Variants in LDB1 observed in about 807,000 individuals in gnomAD.
The protein encoded by LDB1 is LIM domain-binding protein 1.
In LDB1, 6 loss-of-function variants were observed where a neutral mutation model predicts 49.7. That is an observed-to-expected ratio of 0.12 (90% CI 0.07 to 0.24). The LOEUF (loss-of-function observed/expected upper bound fraction) is 0.24. LDB1 is among the 10% of genes least tolerant of loss of function. The pLI is 1.00. For synonymous variants in LDB1, 233 were observed against 202.0 expected, an observed-to-expected ratio of 1.15 and a Z score of -1.30; for missense variants, 341 against 561.7, an observed-to-expected ratio of 0.61 and a Z score of 3.97.
Position 102,109,111 on chromosome 10 carries a change from C to T in LDB1, c.923G>A (p.Ser308Asn), listed in dbSNP as rs2068212654. ...KRKMSGGSTM[S>N]SGGGNTNNSN... is the part of the protein sequence containing the mutation. Reference sequence around the variant, plus strand: ...GTTGTTGGTGTTGCCACCACCAGAGCTCATGGTGCTGCCCCCTGACATCTT... The same window carrying T: ...GTTGTTGGTGTTGCCACCACCAGAGTTCATGGTGCTGCCCCCTGACATCTT... The change falls in exon 10 of 11, where the codon AGC (serine) becomes AAC (asparagine). Residue 308 changes from serine to asparagine, a missense_variant. This residue lies in a region of LDB1 where 233 missense variants were observed against 385.7 expected (regional missense o/e 0.60). Transcript: ENST00000673968. The surrounding 1 kb of genome is among the most constrained non-coding windows in gnomAD (Gnocchi z 5.8). 6.2e-7 allele frequency: 1 copy of T among 1,614,200 alleles called. No homozygotes were observed. Among genetic ancestry groups the T allele is most frequent in the Non-Finnish European group, 8.5e-7 (1 of 1,180,030 alleles).
At chr10:102,111,642 G>T (rs751073659) in intron 1 of LDB1, 106 bp from the exon 2 acceptor site, 71 of 629,400 alleles carry the variant, frequency 1.1e-4, no homozygotes, top group Non-Finnish European at 1.3e-4. Flanking sequence ...AGGAGGTCGA[G>T]GCTGCAGGGA....
chr10:102,110,842 C>CCT, intron 5 of LDB1, 27 bp downstream of exon 5: 3 of 1,598,164 alleles, frequency 1.9e-6, no homozygotes, highest in Non-Finnish European at 2.6e-6. Context: ...TATACACCCT[C>CCT]ATAGCAAGAC....
At position 102,107,825 on chromosome 10, in the gene LDB1, G is replaced by A. The variant is rs2133498549; in HGVS notation, c.*268C>T. ...AGGCAAATGCCCTGGGGGGTGGTCA[G>A]GACATGTCTCAGAGGCCCAGGTTCC... is the stretch of plus-strand genomic sequence containing the variant. On this transcript the variant is annotated 3_prime_UTR_variant, in exon 11 of 11. Coordinates refer to ENST00000673968, the MANE Select transcript of LDB1 (RefSeq NM_001113407.3). The A allele has an allele frequency of 1.8e-6, 1 of 542,060 alleles. No individual in the cohort carries two copies. The allele number at this position is 542,060 out of a possible 1,614,324, so 33.6% of individuals were successfully genotyped here.
At position 102,117,557 on chromosome 10, in the gene LDB1, C is replaced by T. The variant is rs567998610; in HGVS notation, c.25+2529G>A. On this transcript the variant is annotated intron_variant, in intron 1 of 10. Transcript: ENST00000673968. This position sits in a 1 kb window ranked among gnomAD's most constrained non-coding sequence, Gnocchi z 4.2. Reference sequence around the variant, plus strand: ...GCCCCCTGCCCGGGCCCCTGGGGCTCCCTGACCCAGGCCTCCAGTGTGCCT... The same window carrying T: ...GCCCCCTGCCCGGGCCCCTGGGGCTTCCTGACCCAGGCCTCCAGTGTGCCT... Among the ~76,000 whole-genome samples, 14 of 152,174 alleles carry T rather than the reference C, an allele frequency of 9.2e-5. 1 individual carries two copies. Among genetic ancestry groups the T allele is most frequent in the Admixed American group, 2.6e-4 (4 of 15,300 alleles).
intron 1 of LDB1, 29 bp from the exon 2 acceptor site, chr10:102,111,565 G>A: frequency 7.3e-7 from 1 of 1,370,584 alleles, no homozygotes; most frequent in Non-Finnish European, 9.9e-7. Context: ...AGTCATAGCT[G>A]GGCGCGGTGG....
At position 102,109,445 on chromosome 10, in the gene LDB1, G is replaced by C; in HGVS notation, c.795C>G (p.Ser265Arg). 6.2e-7 allele frequency: 1 copy of C among 1,614,214 alleles called. No homozygotes were observed. Among genetic ancestry groups the C allele is most frequent in the Non-Finnish European group, 8.5e-7 (1 of 1,180,032 alleles). ...LMSRHKTYSL[S>R]PRDCLKTCLF... is the part of the protein sequence containing the mutation. ...GGCAGGTCTTGAGGCAGTCGCGGGG[G>C]CTGAGGCTGTAGGTCTTGTGGCGTG... Residue 265 changes from serine to arginine, a missense_variant, in exon 9 of 11, where the codon AGC (serine) becomes AGG (arginine). Ser to Arg is a moderately radical substitution (Grantham distance 110). This residue lies in a region of LDB1 where 233 missense variants were observed against 385.7 expected (regional missense o/e 0.60). Coordinates refer to ENST00000673968, the MANE Select transcript of LDB1 (RefSeq NM_001113407.3). The surrounding 1 kb of genome is among the most constrained non-coding windows in gnomAD (Gnocchi z 5.8).
chr10:102,104,484 A>G (rs557872954), downstream of LDB1, among the ~76,000 whole-genome samples: 11 of 152,228 alleles, frequency 7.2e-5, no homozygotes, highest in African/African-American at 2.6e-4. Flanking sequence ...ATGTACCTGA[A>G]AACAAAGGGC....
Position 102,109,422 on chromosome 10 carries a change from C to T in LDB1, c.818G>A (p.Cys273Tyr). 3.1e-6 allele frequency: 5 copies of T among 1,614,204 alleles called. No homozygotes were observed. The highest frequency in any genetic ancestry group is 1.1e-5 in the South Asian group (1 of 91,082). ...SLSPRDCLKT[C>Y]LFQKWQRMVA... The stretch of plus-strand genomic sequence containing the variant: ...CATGCGCTGCCACTTCTGGAAAAGG[C>T]AGGTCTTGAGGCAGTCGCGGGGGCT... Residue 273 changes from cysteine (C) to tyrosine (Y), a missense_variant, in exon 9 of 11, where the codon TGC becomes TAC. By Grantham distance (194) the Cys-to-Tyr change is radical. Around this residue, in one of 5 missense-constraint regions of LDB1, gnomAD observed 233 missense variants for 385.7 expected, o/e 0.60. Transcript: ENST00000673968. The surrounding 1 kb of genome is among the most constrained non-coding windows in gnomAD (Gnocchi z 5.8).
downstream of LDB1, among the ~76,000 whole-genome samples, chr10:102,103,206 T>C (rs1046834691): frequency 1.7e-4 from 26 of 152,008 alleles, no homozygotes; most frequent in African/African-American, 5.6e-4. Context: ...TTTTGTATCT[T>C]TGGTAGAGAT....
In LDB1 at chr10:102,111,198, C is replaced by T. The variant is rs372110517; in HGVS notation, c.174-54G>A. The T allele has an allele frequency of 9.9e-6, 16 of 1,611,706 alleles. No homozygotes were observed. In the African/African-American group the frequency reaches 2.0e-4, roughly 20 times the overall value. On this transcript the variant is annotated intron_variant, in intron 3 of 10. Coordinates refer to ENST00000673968, the MANE Select transcript of LDB1 (RefSeq NM_001113407.3). The stretch of plus-strand genomic sequence containing the variant: ...AGGAGCGGAGCCTGCCCCCTCCACC[C>T]CCTACCTCGGCCTTCACCCAGTGGA...
intron 1 of LDB1, among the ~76,000 whole-genome samples, chr10:102,119,840 C>T (rs1293976617): frequency 9.9e-5 from 15 of 151,014 alleles, no homozygotes; most frequent in Non-Finnish European, 1.3e-4. Context: ...CCCAATTAGC[C>T]TACCCCCAAA....
downstream of LDB1, among the ~76,000 whole-genome samples, chr10:102,104,638 T>C (rs1315913537): frequency 6.6e-6 from 1 of 152,080 alleles, no homozygotes; most frequent in Non-Finnish European, 1.5e-5. Flanking sequence ...CAATAGTGTG[T>C]TTTCCTGCTT....
chr10:102,111,320 A>G lies in LDB1; in HGVS notation c.129-20T>C, dbSNP rs772909000. Reference sequence around the variant, plus strand: ...GTTGGGCTGTGTAAAGGAAGAGGCTATGAGAATGGGGGTTGAAGATAGGAA... The same window carrying G: ...GTTGGGCTGTGTAAAGGAAGAGGCTGTGAGAATGGGGGTTGAAGATAGGAA... On this transcript the variant is annotated intron_variant, in intron 2 of 10. Transcript: ENST00000673968. 3 of 1,613,548 alleles carry G rather than the reference A, an allele frequency of 1.9e-6. No homozygotes were observed. The highest frequency in any genetic ancestry group is 3.3e-5 in the Admixed American group (2 of 60,018).
In LDB1 at chr10:102,109,865, C is replaced by A; in HGVS notation, c.648+56G>T. The A allele has an allele frequency of 6.3e-7, 1 of 1,589,056 alleles. No homozygotes were observed. The highest frequency in any genetic ancestry group is 8.6e-7 in the Non-Finnish European group (1 of 1,167,698). On this transcript the variant is annotated intron_variant, in intron 7 of 10. Transcript: ENST00000673968. This position sits in a 1 kb window ranked among gnomAD's most constrained non-coding sequence, Gnocchi z 5.8. ...CAGTCGGGAAATGGCAGACCTTGTT[C>A]CACCCTTCCCCCGCCTGCCTTCACT...
downstream of LDB1, among the ~76,000 whole-genome samples, chr10:102,106,310 A>G (rs1248629865): frequency 6.6e-6 from 1 of 151,916 alleles, no homozygotes. Flanking sequence ...GACATCTGGG[A>G]ACAAACTTTA....
intron 1 of LDB1, chr10:102,114,944 C>G (rs1216919222): frequency 1.8e-6 from 1 of 564,496 alleles, no homozygotes; most frequent in Non-Finnish European, 2.2e-6. Context: ...CTGCCTTTCT[C>G]CCTTTCTCTC....
At chr10:102,103,775 C>G (rs1009742318), downstream of LDB1, among the ~76,000 whole-genome samples, 1 of 152,102 alleles carries the variant, frequency 6.6e-6, no homozygotes, top group Non-Finnish European at 1.5e-5. Context: ...GATCATGCCA[C>G]TGCACTCCAG....
At chr10:102,110,119 T>C in intron 6 of LDB1, 76 bp from the exon 7 acceptor site, 1 of 1,504,064 alleles carries the variant, frequency 6.6e-7, no homozygotes, top group Non-Finnish European at 9.0e-7. Context: ...CAGTCTCCCA[T>C]TTGCTTACAA....
chr10:102,114,652 G>T, intron 1 of LDB1: 1 of 960,570 alleles, frequency 1.0e-6, no homozygotes, highest in Non-Finnish European at 1.2e-6. Context: ...GGGGCCGGGG[G>T]CCAGGGGGCC....
Sources: gnomAD v4.1 joint callset for allele counts (sites outside exome capture counted in the v4.1 genomes callset) on GRCh38, gnomAD v4.1.1 for gene constraint, gnomAD v4.1.1 regional missense constraint, Gnocchi (gnomAD v3.1) non-coding constraint, MANE v1.5 for transcripts, NCBI Gene and HGNC (gene_info 2026-07-23, HGNC 2026-07-21) for gene names.